Variants in PCDHGA4 observed in about 807,000 individuals in gnomAD.
PCDHGA4 encodes protocadherin gamma subfamily A, 4, also known as protocadherin gamma-A4.
Under a neutral mutation model 54.6 loss-of-function variants are expected in PCDHGA4, and 38 were observed. The ratio of observed to expected loss-of-function variants is 0.70; its 90% CI spans 0.54 to 0.91. The LOEUF is 0.91. Among genes scored for constraint, PCDHGA4 ranks in the 40% least tolerant of loss-of-function variants. The pLI is 0.00. For synonymous variants in PCDHGA4, 511 were observed against 512.9 expected, an observed-to-expected ratio of 1.00 and a Z score of 0.05; for missense variants, 1,298 against 1,220.9, an observed-to-expected ratio of 1.06 and a Z score of -0.94.
intron 1 of PCDHGA4, among the ~76,000 whole-genome samples, chr5:141,474,643 CCTTA>C (rs1474125632): frequency 1.3e-5 from 2 of 152,134 alleles, no homozygotes; most frequent in Admixed American, 1.3e-4. Flanking sequence ...TCCTATATAT[CCTTA>C]CTTCTTTTCT....
chr5:141,360,446 T>C, intron 1 of PCDHGA4: 1 of 1,614,014 alleles, frequency 6.2e-7, no homozygotes, highest in Non-Finnish European at 8.5e-7. Flanking sequence ...CTGTGTGTTC[T>C]GGATTTCGAT....
rs760509503 is a variant in PCDHGA4 at position 141,432,756 on chromosome 5, A to T, written c.2515-62051A>T. The T allele has an allele frequency of 5.6e-6, 9 of 1,613,958 alleles. No homozygotes were observed. Among genetic ancestry groups the T allele is most frequent in the Non-Finnish European group, 7.6e-6 (9 of 1,179,994 alleles). On this transcript the variant is annotated intron_variant, in intron 1 of 3. Transcript: ENST00000571252. This position sits in a 1 kb window ranked among gnomAD's most constrained non-coding sequence, Gnocchi z 6.0. ...GTCACGCTCACCGTGGCCGTGGCCG[A>T]CAGCATCCCCCAAGTCCTGGCGGAC...
intron 1 of PCDHGA4, among the ~76,000 whole-genome samples, chr5:141,481,103 C>G (rs190529217): frequency 2.6e-4 from 39 of 152,252 alleles, no homozygotes; most frequent in Non-Finnish European, 3.4e-4. Context: ...TACTCTGGAA[C>G]CTACCAATCC....
chr5:141,435,642 T>C lies in PCDHGA4; in HGVS notation c.2515-59165T>C, dbSNP rs1326178929. On this transcript the variant is annotated intron_variant, in intron 1 of 3. Coordinates refer to ENST00000571252, the MANE Select transcript of PCDHGA4 (RefSeq NM_018917.4). ...CATAACTTTTACAACTATGGGAAAA[T>C]TTCTGAAACGTGCACAGATTCCAAG... Among the ~76,000 whole-genome samples the C allele has an allele frequency of 2.0e-5, 3 of 152,156 alleles. No individual in the cohort carries two copies. The East Asian group carries it at 5.8e-4, about 29-fold the overall frequency.
At chr5:141,422,202 T>C (rs1272540004) in intron 1 of PCDHGA4, 1 of 1,561,656 alleles carries the variant, frequency 6.4e-7, no homozygotes, top group Admixed American at 2.0e-5. Flanking sequence ...GCCAAGATGG[T>C]GGAGGTCTCT....
chr5:141,477,600 T>A lies in PCDHGA4; in HGVS notation c.2515-17207T>A, dbSNP rs746047124. The A allele has an allele frequency of 6.2e-6, 10 of 1,614,146 alleles. No homozygotes were observed. The highest frequency in any genetic ancestry group is 7.6e-6 in the Non-Finnish European group (9 of 1,180,026). ...CCGCAGAATGCTCGGCTTTCTTTCT[T>A]TCTCTTGGAGCAAGGAGCTGAAACC... On this transcript the variant is annotated intron_variant, in intron 1 of 3. Coordinates refer to ENST00000571252, the MANE Select transcript of PCDHGA4 (RefSeq NM_018917.4). This position sits in a 1 kb window ranked among gnomAD's most constrained non-coding sequence, Gnocchi z 4.9.
chr5:141,366,316 T>G, intron 1 of PCDHGA4: 1 of 1,613,764 alleles, frequency 6.2e-7, no homozygotes, highest in Non-Finnish European at 8.5e-7. Flanking sequence ...CGGTCACCGT[T>G]GCCGTGGCCG....
Position 141,476,035 on chromosome 5 carries a change from C to A in PCDHGA4, c.2515-18772C>A. On this transcript the variant is annotated intron_variant, in intron 1 of 3. Coordinates refer to ENST00000571252, the MANE Select transcript of PCDHGA4 (RefSeq NM_018917.4). This position sits in a 1 kb window ranked among gnomAD's most constrained non-coding sequence, Gnocchi z 7.6. ...CATGTCGGACTCGGCGCCCAGCGCCCAAGCGCTAACCCGCTGAAAGTTTCT... is the reference window on the plus strand; with the variant it reads ...CATGTCGGACTCGGCGCCCAGCGCCAAAGCGCTAACCCGCTGAAAGTTTCT... The A allele has an allele frequency of 1.4e-6, 2 of 1,466,592 alleles. No individual in the cohort carries two copies. The highest frequency in any genetic ancestry group is 1.8e-6 in the Non-Finnish European group (2 of 1,102,494). 90.8% of individuals were successfully genotyped at this position (1,466,592 alleles called of 1,614,324 possible). A position where few individuals can be genotyped will look rare whatever the true frequency, so the allele number is the denominator to read the frequency against.
At chr5:141,507,084 T>G (rs2099858284) in intron 3 of PCDHGA4, 1 of 152,142 alleles carries the variant, frequency 6.6e-6, no homozygotes, top group African/African-American at 2.4e-5. Flanking sequence ...ACTCCTAAGT[T>G]TATGCTCTTT....
intron 1 of PCDHGA4, among the ~76,000 whole-genome samples, chr5:141,462,825 C>T (rs1040054698): frequency 4.6e-5 from 7 of 152,124 alleles, no homozygotes; most frequent in Admixed American, 3.9e-4. Context: ...GGACAGCAGA[C>T]ATTGTAAATG....
At chr5:141,441,864 G>A in intron 1 of PCDHGA4, 3 of 344,518 alleles carry the variant, frequency 8.7e-6, no homozygotes, top group Admixed American at 4.1e-5. Context: ...TGCACGCCGC[G>A]GAGCCTGGCT....
At chr5:141,384,245 C>T (rs776707376) in intron 1 of PCDHGA4, 6 of 1,613,890 alleles carry the variant, frequency 3.7e-6, no homozygotes, top group Non-Finnish European at 5.1e-6. Context: ...AACGATAACC[C>T]ACCCACCTTC....
At chr5:141,370,568 G>C in intron 1 of PCDHGA4, 1 of 1,613,930 alleles carries the variant, frequency 6.2e-7, no homozygotes, top group Non-Finnish European at 8.5e-7. Context: ...GGTTTGGCGT[G>C]GGGGATTTAC....
At chr5:141,494,889 A>G (rs2099757275) in intron 2 of PCDHGA4, 24 bp downstream of exon 2, 1 of 1,613,844 alleles carries the variant, frequency 6.2e-7, no homozygotes, top group Admixed American at 1.7e-5. Context: ...TCTCCAGCCC[A>G]CCCTCTTCTC....
Position 141,432,153 on chromosome 5 carries a change from A to T in PCDHGA4, c.2515-62654A>T. 6.2e-7 allele frequency: 1 copy of T among 1,613,758 alleles called. No homozygotes were observed. The highest frequency in any genetic ancestry group is 8.5e-7 in the Non-Finnish European group (1 of 1,179,910). On this transcript the variant is annotated intron_variant, in intron 1 of 3. Transcript: ENST00000571252. This position sits in a 1 kb window ranked among gnomAD's most constrained non-coding sequence, Gnocchi z 6.0. ...TATTCCGCTTATATCCCAGAGAACA[A>T]TCCCAGAGGAGTTTCCCTCGTCTCT...
chr5:141,437,094 G>A (rs1183502010), intron 1 of PCDHGA4, among the ~76,000 whole-genome samples: 3 of 152,126 alleles, frequency 2.0e-5, no homozygotes, highest in African/African-American at 4.8e-5. Context: ...TGAAACTAAC[G>A]GCTTAGCTTT....
chr5:141,423,101 G>A (rs757127033), intron 1 of PCDHGA4: 3 of 1,613,966 alleles, frequency 1.9e-6, no homozygotes, highest in South Asian at 1.1e-5. Context: ...GAGCACACGG[G>A]CGAGGTGCGT....
intron 1 of PCDHGA4, among the ~76,000 whole-genome samples, chr5:141,380,906 G>A (rs528730354): frequency 1.3e-3 from 196 of 152,328 alleles, no homozygotes; most frequent in Non-Finnish European, 2.0e-3. Flanking sequence ...ATCTACAAGT[G>A]CTTACATTGT....
In PCDHGA4 at chr5:141,390,005, G is replaced by A. The variant is rs886109174; in HGVS notation, c.2514+32384G>A. 2.5e-6 allele frequency: 4 copies of A among 1,613,860 alleles called. No individual in the cohort carries two copies. In the African/African-American group the frequency reaches 5.3e-5, roughly 22 times the overall value. ...TGCTCTTCCTCGTGGCCATGATTCT[G>A]GCCATTGCCTTGCGCCTGCGACGCT... On this transcript the variant is annotated intron_variant, in intron 1 of 3. Coordinates refer to ENST00000571252, the MANE Select transcript of PCDHGA4 (RefSeq NM_018917.4).
Sources: gnomAD v4.1 joint callset for allele counts (sites outside exome capture counted in the v4.1 genomes callset) on GRCh38, gnomAD v4.1.1 for gene constraint, Gnocchi (gnomAD v3.1) non-coding constraint, MANE v1.5 for transcripts, NCBI Gene and HGNC (gene_info 2026-07-23, HGNC 2026-07-21) for gene names.